The following KCNH7 variants were observed in gnomAD, a reference collection of about 807,000 sequenced individuals.
The protein encoded by KCNH7 is potassium voltage-gated channel subfamily H member 7, also known as voltage-gated inwardly rectifying potassium channel KCNH7.
A neutral mutation model predicts 120.8 loss-of-function variants in KCNH7; 49 were observed. The observed-to-expected ratio is 0.41, with a 90% CI of 0.32 to 0.51. The LOEUF (loss-of-function observed/expected upper bound fraction) is 0.51, where lower values mean the gene tolerates loss of function less well. Ranked by LOEUF, KCNH7 falls within the 20% of genes least tolerant of loss-of-function variation. The pLI is 0.38. For synonymous variants in KCNH7, 547 were observed against 516.1 expected, an observed-to-expected ratio of 1.06 and a Z score of -0.81; for missense variants, 1,097 against 1,446.6, an observed-to-expected ratio of 0.76 and a Z score of 3.92.
intron 9 of KCNH7, among the ~76,000 whole-genome samples, chr2:162,408,830 A>G (rs1440060253): frequency 1.3e-5 from 2 of 151,920 alleles, no homozygotes; most frequent in Non-Finnish European, 2.9e-5. Context: ...TTAAAAAGTA[A>G]CCATAAAAAA....
intron 5 of KCNH7, among the ~76,000 whole-genome samples, chr2:162,505,401 G>A (rs956486746): frequency 6.6e-6 from 1 of 151,798 alleles, no homozygotes; most frequent in African/African-American, 2.4e-5. Flanking sequence ...TAATGCTCTG[G>A]CAAACATAAC....
rs1473022465 is a variant in KCNH7, at chr2:162,773,833, T to C, written c.307+62704A>G. On this transcript the variant is annotated intron_variant, in intron 2 of 15. Coordinates refer to ENST00000332142, the MANE Select transcript of KCNH7 (RefSeq NM_033272.4). ...TTTACAACCTTATTATTATCCATTGTTTAAAATAAAAATAAAATGATATGA... is the reference window on the plus strand; with the variant it reads ...TTTACAACCTTATTATTATCCATTGCTTAAAATAAAAATAAAATGATATGA... Among the ~76,000 whole-genome samples the C allele has an allele frequency of 2.0e-5, 3 of 152,164 alleles. No individual in the cohort carries two copies. In the East Asian group the frequency reaches 5.8e-4, roughly 29 times the overall value.
intron 6 of KCNH7, among the ~76,000 whole-genome samples, chr2:162,484,412 A>G (rs1163867970): frequency 6.6e-6 from 1 of 152,142 alleles, no homozygotes; most frequent in Non-Finnish European, 1.5e-5. Context: ...ACAAGTTTCA[A>G]AACTATTCAA....
intron 3 of KCNH7, among the ~76,000 whole-genome samples, chr2:162,534,193 A>G (rs1480264692): frequency 6.6e-6 from 1 of 151,500 alleles, no homozygotes; most frequent in Non-Finnish European, 1.5e-5. Context: ...TTAAAATCAT[A>G]TACCAAAAAA....
intron 2 of KCNH7, chr2:162,795,624 G>C (rs1279923491): frequency 6.6e-6 from 1 of 152,034 alleles, no homozygotes; most frequent in Non-Finnish European, 1.5e-5. Context: ...CCTGCATTCA[G>C]ATTCTGACAC....
chr2:162,610,609 T>G (rs1462206807), intron 2 of KCNH7, among the ~76,000 whole-genome samples: 2 of 152,226 alleles, frequency 1.3e-5, no homozygotes, highest in Admixed American at 6.5e-5. Context: ...CCCAATATTA[T>G]GTAAGCAAAA....
In KCNH7 at chr2:162,396,804, T is replaced by G. The variant is rs1354375882; in HGVS notation, c.2549A>C (p.Glu850Ala). The G allele has an allele frequency of 1.2e-6, 2 of 1,611,882 alleles. No homozygotes were observed. Among genetic ancestry groups the G allele is most frequent in the Non-Finnish European group, 1.7e-6 (2 of 1,178,760 alleles). ...GTTTGTTAGAAAGTGATCAGAAAAC[T>G]CAGGATACATATCCAAAACCTCTAA... The part of the protein sequence containing the change: ...DLLEVLDMYP[E>A]FSDHFLTNLE... The change falls in exon 11 of 16, where the codon GAG becomes GCG. Residue 850 changes from glutamate (E) to alanine (A), a missense_variant. This residue lies in a region of KCNH7 where 406 missense variants were observed against 410.5 expected (regional missense o/e 0.99). Transcript: ENST00000332142.
chr2:162,835,974 AT>A (rs773260750), intron 2 of KCNH7, among the ~76,000 whole-genome samples: 263 of 152,160 alleles, frequency 1.7e-3, no homozygotes, highest in Non-Finnish European at 2.9e-3. Context: ...AACAGCCTTT[AT>A]TGTTTGAATA....
Position 162,559,691 on chromosome 2 carries a change from A to G in KCNH7, c.308-22611T>C, listed in dbSNP as rs141117485. On this transcript the variant is annotated intron_variant, in intron 2 of 15. Coordinates refer to ENST00000332142, the MANE Select transcript of KCNH7 (RefSeq NM_033272.4). Reference sequence around the variant, plus strand: ...GAAGATGTGAATATAGAATGTAACAAGAAAAGAGCTGAGACCAGTGAAATG... The same window carrying G: ...GAAGATGTGAATATAGAATGTAACAGGAAAAGAGCTGAGACCAGTGAAATG... Among the ~76,000 whole-genome samples the G allele has an allele frequency of 1.2e-3, 187 of 152,342 alleles. 1 individual carries two copies. The highest frequency in any genetic ancestry group is 4.3e-3 in the African/African-American group (179 of 41,578).
chr2:162,710,704 C>T (rs1238754188), intron 2 of KCNH7, among the ~76,000 whole-genome samples: 1 of 152,090 alleles, frequency 6.6e-6, no homozygotes, highest in East Asian at 1.9e-4. Context: ...TCAAGGATTC[C>T]AGGGAACATT....
chr2:162,759,812 A>C (rs1017835277), intron 2 of KCNH7, among the ~76,000 whole-genome samples: 8 of 152,130 alleles, frequency 5.3e-5, no homozygotes, highest in African/African-American at 1.2e-4. Context: ...AAACAATGTA[A>C]ATGTCAAAAA....
At chr2:162,731,809 G>T (rs1687740187) in intron 2 of KCNH7, among the ~76,000 whole-genome samples, 1 of 152,116 alleles carries the variant, frequency 6.6e-6, no homozygotes, top group Non-Finnish European at 1.5e-5. Flanking sequence ...TGAAATAATT[G>T]CAGCAAAAGT....
intron 2 of KCNH7, among the ~76,000 whole-genome samples, chr2:162,669,947 A>C (rs888286548): frequency 6.6e-6 from 1 of 151,908 alleles, no homozygotes; most frequent in Non-Finnish European, 1.5e-5. Context: ...TAAAAATACA[A>C]ACATTAGCCA....
chr2:162,517,946 A>T lies in KCNH7; in HGVS notation c.676T>A (p.Ser226Thr). ...GGTCCGGATATATTCACCAAGGGAGAACATTTGCTGGGCTGTATCAAAGCT... is the reference window on the plus strand; with the variant it reads ...GGTCCGGATATATTCACCAAGGGAGTACATTTGCTGGGCTGTATCAAAGCT... ...TKALIQPSKC[S>T]PLVNISGPLD... Residue 226 changes from serine to threonine, a missense_variant, in exon 4 of 16, where the codon TCT (serine) becomes ACT (threonine). Ser to Thr is a moderately conservative substitution (Grantham distance 58, BLOSUM62 1). Coordinates refer to ENST00000332142, the MANE Select transcript of KCNH7 (RefSeq NM_033272.4). 1.2e-6 allele frequency: 2 copies of T among 1,612,434 alleles called. No homozygotes were observed. The highest frequency in any genetic ancestry group is 1.7e-6 in the Non-Finnish European group (2 of 1,178,936).
At chr2:162,412,747 A>G (rs188496554) in intron 9 of KCNH7, among the ~76,000 whole-genome samples, 1 of 152,298 alleles carries the variant, frequency 6.6e-6, no homozygotes, top group East Asian at 1.9e-4. Context: ...TATAAAATGT[A>G]ACTGTTTAAT....
intron 2 of KCNH7, among the ~76,000 whole-genome samples, chr2:162,726,805 T>C (rs1687542692): frequency 6.6e-6 from 1 of 152,190 alleles, no homozygotes; most frequent in Admixed American, 6.5e-5. Context: ...TGACATGTTC[T>C]TAATGGCTTT....
At chr2:162,815,334 GT>G (rs1171476441) in intron 2 of KCNH7, among the ~76,000 whole-genome samples, 1 of 151,646 alleles carries the variant, frequency 6.6e-6, no homozygotes, top group African/African-American at 2.4e-5. Flanking sequence ...AATGAGACAT[GT>G]TTTTTCCCAC....
At chr2:162,766,720 T>TA (rs1682823886) in intron 2 of KCNH7, among the ~76,000 whole-genome samples, 1 of 152,116 alleles carries the variant, frequency 6.6e-6, no homozygotes, top group South Asian at 2.1e-4. Context: ...GGCAATATCT[T>TA]AAAAATTCAA....
At chr2:162,492,138 AATT>A (rs1205916475) in intron 6 of KCNH7, among the ~76,000 whole-genome samples, 6 of 152,162 alleles carry the variant, frequency 3.9e-5, no homozygotes, top group African/African-American at 1.4e-4. Flanking sequence ...TGAATGATAA[AATT>A]ACTGCTTATA....
Sources: allele counts gnomAD v4.1 joint callset (sites outside exome capture counted in the v4.1 genomes callset), GRCh38; gene constraint gnomAD v4.1.1; regional missense constraint gnomAD v4.1.1; transcripts MANE v1.5; gene names NCBI Gene and HGNC (gene_info 2026-07-23, HGNC 2026-07-21).